The following CEP290 variants were observed in gnomAD, a reference collection of about 807,000 sequenced individuals.
CEP290 encodes the protein centrosomal protein of 290 kDa.
CEP290 carries 317 observed loss-of-function variants against 344.9 expected under a neutral mutation model. That is an observed-to-expected ratio of 0.92 (90% CI 0.84 to 1.01). The LOEUF (loss-of-function observed/expected upper bound fraction) is 1.01, where lower values mean the gene tolerates loss of function less well. CEP290 is among the 50% of genes least tolerant of loss of function. CEP290 has a pLI of 0.00. For synonymous variants in CEP290, 932 were observed against 895.8 expected, an observed-to-expected ratio of 1.04 and a Z score of -0.72; for missense variants, 2,754 against 2,761.4, an observed-to-expected ratio of 1.00 and a Z score of 0.06.
Position 88,086,176 on chromosome 12 carries a change from A to T in CEP290, c.4303-3T>A. 6.2e-7 allele frequency: 1 copy of T among 1,605,640 alleles called. No homozygotes were observed. The highest frequency in any genetic ancestry group is 8.5e-7 in the Non-Finnish European group (1 of 1,178,268). ...ATTGATCCTGTAGCTTCTTCAAACT[A>T]TTAAGAAATAGTATGTTTTTTAAAA... On this transcript the variant is annotated splice_region_variant and splice_polypyrimidine_tract_variant and intron_variant, in intron 33 of 53. Transcript: ENST00000552810.
chr12:88,054,281 A>T, intron 51 of CEP290, 59 bp downstream of exon 51: 1 of 1,149,060 alleles, frequency 8.7e-7, no homozygotes, highest in Non-Finnish European at 1.3e-6. Flanking sequence ...AGTATATAAA[A>T]ACTAATAATT....
At chr12:88,085,096 T>C (rs185402289) in intron 34 of CEP290, among the ~76,000 whole-genome samples, 75 of 152,232 alleles carry the variant, frequency 4.9e-4, no homozygotes, top group Admixed American at 2.0e-3. Context: ...GAACATAAAA[T>C]TTAATTAAGG....
At position 88,059,897 on chromosome 12, in the gene CEP290, C is replaced by T. The variant is rs201218801; in HGVS notation, c.6645+1G>A. On this transcript the variant is annotated splice_donor_variant, in intron 48 of 53. Transcript: ENST00000552810. LOFTEE classifies it high-confidence loss of function. ...GTTATAATCAGTCATAAAAGTCATACTTTTTTAAGTTCTTTACGAAGCCTT... is the reference window on the plus strand; with the variant it reads ...GTTATAATCAGTCATAAAAGTCATATTTTTTTAAGTTCTTTACGAAGCCTT... 1.6e-4 allele frequency: 249 copies of T among 1,574,506 alleles called. No individual in the cohort carries two copies. The highest frequency in any genetic ancestry group is 2.0e-4 in the Non-Finnish European group (228 of 1,165,152).
At chr12:88,089,877 C>A (rs2036893342) in intron 30 of CEP290, among the ~76,000 whole-genome samples, 2 of 152,062 alleles carry the variant, frequency 1.3e-5, no homozygotes, top group African/African-American at 2.4e-5. Context: ...CAGGCACATG[C>A]CACCACGCCT....
Position 88,118,529 on chromosome 12 carries a change from T to A in CEP290, c.1665A>T (p.Lys555Asn), listed in dbSNP as rs374824892. The A allele has an allele frequency of 2.5e-6, 4 of 1,575,632 alleles. No homozygotes were observed. The African/African-American group carries it at 5.4e-5, about 21-fold the overall frequency. ...CTCTTTCTTGAGCCATTTGACGAATTTTTTTTTTCAGATCAAGTCGTTCTT... is the reference window on the plus strand; with the variant it reads ...CTCTTTCTTGAGCCATTTGACGAATATTTTTTTTCAGATCAAGTCGTTCTT... ...LEEERLDLKK[K>N]IRQMAQERGK... is the part of the protein sequence containing the mutation. The change falls in exon 17 of 54, where the codon AAA becomes AAT. Residue 555 changes from lysine to asparagine, a missense_variant. Coordinates refer to ENST00000552810, the MANE Select transcript of CEP290 (RefSeq NM_025114.4).
At chr12:88,085,448 G>T (rs2036507815) in intron 34 of CEP290, among the ~76,000 whole-genome samples, 1 of 152,026 alleles carries the variant, frequency 6.6e-6, no homozygotes, top group African/African-American at 2.4e-5. Flanking sequence ...TTCCTGAAAT[G>T]ATTAAAAATG....
At chr12:88,109,020 C>A in intron 23 of CEP290, 46 bp downstream of exon 23, 1 of 609,302 alleles carries the variant, frequency 1.6e-6, no homozygotes, top group South Asian at 2.6e-5. Context: ...TCACAATTAA[C>A]AAGAATATAC....
intron 20 of CEP290, among the ~76,000 whole-genome samples, chr12:88,113,140 A>C (rs2038811403): frequency 1.3e-5 from 2 of 152,148 alleles, no homozygotes; most frequent in African/African-American, 4.8e-5. Flanking sequence ...AAGTCTATGC[A>C]AACAGTGGCT....
chr12:88,114,309 A>T (rs1344953384), intron 20 of CEP290, 111 bp downstream of exon 20: 9 of 826,732 alleles, frequency 1.1e-5, no homozygotes, highest in Non-Finnish European at 1.6e-5. Flanking sequence ...CAGGGAAACA[A>T]TGATTCAAAT....
chr12:88,113,934 T>G (rs1259591495), intron 20 of CEP290, among the ~76,000 whole-genome samples: 1 of 152,060 alleles, frequency 6.6e-6, no homozygotes, highest in Admixed American at 6.6e-5. Context: ...AAGCAGATTT[T>G]GGGAAAAAAC....
chr12:88,062,356 A>T, intron 46 of CEP290, among the ~76,000 whole-genome samples: 1 of 152,214 alleles, frequency 6.6e-6, no homozygotes, highest in Non-Finnish European at 1.5e-5. Flanking sequence ...AGCTGGGAAG[A>T]TATCATAACA....
rs754811220 is a variant in CEP290, at chr12:88,092,800, C to T, written c.3342G>A (p.Val1114=). 1.2e-6 allele frequency: 2 copies of T among 1,610,118 alleles called. No individual in the cohort carries two copies. The highest frequency in any genetic ancestry group is 1.3e-5 in the African/African-American group (1 of 74,750). Residue 1114 remains valine (V), a synonymous_variant, in exon 29 of 54, where the codon GTG becomes GTA. Coordinates refer to ENST00000552810, the MANE Select transcript of CEP290 (RefSeq NM_025114.4). Reference sequence around the variant, plus strand: ...CTAATTCATCTCTTAACATCTGTTCCACCTTCTGTGCATCCAAATTGATTT... The same window carrying T: ...CTAATTCATCTCTTAACATCTGTTCTACCTTCTGTGCATCCAAATTGATTT... ...LTKINLDAQK[V]EQMLRDELAD...
intron 37 of CEP290, among the ~76,000 whole-genome samples, chr12:88,082,337 T>C (rs2036255621): frequency 1.3e-5 from 2 of 152,224 alleles, no homozygotes; most frequent in African/African-American, 4.8e-5. Context: ...TCATACACGG[T>C]ATAATTTGAC....
intron 25 of CEP290, among the ~76,000 whole-genome samples, chr12:88,106,264 G>A (rs1228988046): frequency 6.6e-6 from 1 of 152,088 alleles, no homozygotes; most frequent in African/African-American, 2.4e-5. Context: ...ACAAAAGTTA[G>A]ATACATCTTC....
In CEP290 at chr12:88,068,625, C is replaced by T. The variant is rs773022969; in HGVS notation, c.6032G>A (p.Arg2011Gln). Residue 2011 changes from arginine (R) to glutamine (Q), a missense_variant, in exon 44 of 54, where the codon CGA becomes CAA. Arg to Gln is a conservative substitution (Grantham distance 43). Transcript: ENST00000552810. ...LYMRAHQALP[R>Q]DSVVEDLHLQ... ...ATGTAAATCTTCTACAACAGAATCTCGAGGAAGAGCTTGGTGGGCCCTATG... is the reference window on the plus strand; with the variant it reads ...ATGTAAATCTTCTACAACAGAATCTTGAGGAAGAGCTTGGTGGGCCCTATG... 9 of 1,592,994 alleles carry T rather than the reference C, an allele frequency of 5.6e-6. No individual in the cohort carries two copies. The highest frequency in any genetic ancestry group is 2.4e-5 in the South Asian group (2 of 85,020).
At chr12:88,115,573 A>G in intron 18 of CEP290, 4 of 1,285,886 alleles carry the variant, frequency 3.1e-6, no homozygotes, top group Non-Finnish European at 4.1e-6. Flanking sequence ...ATTTCATTCT[A>G]AAGAAAAATT....
intron 35 of CEP290, 82 bp downstream of exon 35, chr12:88,084,504 A>C (rs2036427245): frequency 8.1e-7 from 1 of 1,228,404 alleles, no homozygotes; most frequent in Non-Finnish European, 1.2e-6. Flanking sequence ...GAAAAGAAAT[A>C]CCACTTTAGG....
intron 25 of CEP290, 171 bp from the exon 26 acceptor site, chr12:88,103,182 TAAG>T (rs1399825364): frequency 7.6e-6 from 3 of 395,664 alleles, no homozygotes; most frequent in East Asian, 4.0e-5. Context: ...TTCTTTCATA[TAAG>T]AAATGTTACT....
intron 34 of CEP290, 85 bp from the exon 35 acceptor site, chr12:88,084,937 C>CA (rs1259355637): frequency 3.2e-5 from 36 of 1,110,030 alleles, no homozygotes; most frequent in Non-Finnish European, 4.1e-5. Context: ...AGTTATTAGC[C>CA]AAAAAAAATT....
Sources: allele counts gnomAD v4.1 joint callset (sites outside exome capture counted in the v4.1 genomes callset), GRCh38; gene constraint gnomAD v4.1.1; transcripts MANE v1.5; gene names NCBI Gene and HGNC (gene_info 2026-07-23, HGNC 2026-07-21).